The following PTPRT variants were observed in gnomAD, a reference collection of about 807,000 sequenced individuals.
PTPRT encodes protein tyrosine phosphatase receptor type T, also known as receptor-type tyrosine-protein phosphatase T.
PTPRT carries 56 observed loss-of-function variants against 176.8 expected under a neutral mutation model. That is an observed-to-expected ratio of 0.32 (90% confidence interval 0.26 to 0.40). The LOEUF (loss-of-function observed/expected upper bound fraction) is 0.40. Ranked by LOEUF, PTPRT falls within the 10% of genes least tolerant of loss-of-function variation. The probability of loss-of-function intolerance (pLI) is 1.00; values close to 1 mark genes in which losing one functional copy is unlikely to be tolerated. For missense variants in PTPRT, 1,540 were observed against 1,908.2 expected, an observed-to-expected ratio of 0.81 and a Z score of 3.60; for synonymous variants, 783 against 739.0, an observed-to-expected ratio of 1.06 and a Z score of -0.96.
intron 7 of PTPRT, among the ~76,000 whole-genome samples, chr20:42,534,202 G>A (rs753779503): frequency 6.6e-6 from 1 of 152,228 alleles, no homozygotes; most frequent in South Asian, 2.1e-4. Flanking sequence ...ATTTGAGCCT[G>A]ACATTGCCTT....
intron 7 of PTPRT, among the ~76,000 whole-genome samples, chr20:42,579,664 G>C (rs749756694): frequency 3.3e-5 from 5 of 152,208 alleles, no homozygotes; most frequent in Admixed American, 6.5e-5. Context: ...GGCCAGTGAT[G>C]ATGAGCATTT....
At chr20:43,027,736 G>T (rs1343071413) in intron 1 of PTPRT, among the ~76,000 whole-genome samples, 2 of 152,140 alleles carry the variant, frequency 1.3e-5, no homozygotes, top group African/African-American at 4.8e-5. Context: ...GACACTCAGG[G>T]TATGGTAATT....
intron 12 of PTPRT, among the ~76,000 whole-genome samples, chr20:42,309,546 A>T (rs2057595819): frequency 6.6e-6 from 1 of 152,200 alleles, no homozygotes. Context: ...AACATCTCTC[A>T]TTCTACGCTG....
In PTPRT at chr20:42,516,169, G is replaced by C. The variant is rs541657927; in HGVS notation, c.1154-43607C>G. 2.6e-5 allele frequency among the ~76,000 whole-genome samples: 4 copies of C among 151,084 alleles called. No homozygotes were observed. In the South Asian group the frequency reaches 8.4e-4, roughly 32 times the overall value. On this transcript the variant is annotated intron_variant, in intron 7 of 30. Coordinates refer to ENST00000373187, the MANE Select transcript of PTPRT (RefSeq NM_007050.6). ...ACCTAAGGCTAGATGACGAGTTAGT[G>C]GGTGCAGCACACCAGCATGGCACAT...
intron 1 of PTPRT, among the ~76,000 whole-genome samples, chr20:43,023,712 C>G (rs1985797342): frequency 6.6e-6 from 1 of 152,194 alleles, no homozygotes; most frequent in Admixed American, 6.5e-5. Context: ...CAGTTCAGCT[C>G]TGGCCCAATT....
At chr20:42,072,072 A>G (rs1412064560), downstream of PTPRT, among the ~76,000 whole-genome samples, 2 of 152,208 alleles carry the variant, frequency 1.3e-5, no homozygotes, top group Admixed American at 6.5e-5. Flanking sequence ...GATGTTGCAG[A>G]TATGATTCAA....
intron 14 of PTPRT, among the ~76,000 whole-genome samples, chr20:42,244,399 A>G (rs2056412162): frequency 6.6e-6 from 1 of 152,214 alleles, no homozygotes; most frequent in South Asian, 2.1e-4. Flanking sequence ...AAAGTTTGGC[A>G]AAAGGTTAAG....
Position 42,400,364 on chromosome 20 carries a change from G to C in PTPRT, c.1560+47856C>G, listed in dbSNP as rs552765471. On this transcript the variant is annotated intron_variant, in intron 9 of 30. Coordinates refer to ENST00000373187, the MANE Select transcript of PTPRT (RefSeq NM_007050.6). ...TTTATTAAGAAGCCATATTTTGCTA[G>C]GTCCTATGCTATGTCCTAGGGAGAT... is the stretch of plus-strand genomic sequence containing the variant. Among the ~76,000 whole-genome samples, 6 of 152,154 alleles carry C rather than the reference G, an allele frequency of 3.9e-5. No homozygotes were observed. In the South Asian group the frequency reaches 1.2e-3, roughly 32 times the overall value.
intron 7 of PTPRT, among the ~76,000 whole-genome samples, chr20:42,548,796 C>T (rs916073305): frequency 1.1e-4 from 16 of 152,044 alleles, no homozygotes; most frequent in Admixed American, 7.9e-4. Context: ...CCAAGAAACG[C>T]GCAGGTGTTA....
chr20:42,990,012 G>A (rs1983806139), intron 1 of PTPRT, among the ~76,000 whole-genome samples: 1 of 152,140 alleles, frequency 6.6e-6, no homozygotes, highest in Non-Finnish European at 1.5e-5. Flanking sequence ...TTTCTTATAG[G>A]CTTGTCATTA....
chr20:42,772,541 G>A (rs1016030184), intron 4 of PTPRT, among the ~76,000 whole-genome samples: 7 of 152,164 alleles, frequency 4.6e-5, no homozygotes, highest in African/African-American at 1.7e-4. Context: ...GTGGAGAAGG[G>A]TCCTCACCTA....
Position 42,264,010 on chromosome 20 carries a change from G to A in PTPRT, c.2177-15188C>T, listed in dbSNP as rs563202280. 1.0e-3 allele frequency among the ~76,000 whole-genome samples: 157 copies of A among 152,228 alleles called. 1 individual carries two copies. The highest frequency in any genetic ancestry group is 9.8e-3 in the Admixed American group (150 of 15,290). Reference sequence around the variant, plus strand: ...AGATTCAGGAGAGATTTCAGAGGCCGTATCTATCAGATTTAGTGATAAATT... The same window carrying A: ...AGATTCAGGAGAGATTTCAGAGGCCATATCTATCAGATTTAGTGATAAATT... On this transcript the variant is annotated intron_variant, in intron 13 of 30. Coordinates refer to ENST00000373187, the MANE Select transcript of PTPRT (RefSeq NM_007050.6).
chr20:42,221,528 C>A (rs1405668259), intron 15 of PTPRT, among the ~76,000 whole-genome samples: 2 of 129,398 alleles, frequency 1.5e-5, no homozygotes, highest in Admixed American at 1.6e-4. Flanking sequence ...AGGGAAACTG[C>A]CACTTTTTTT....
intron 1 of PTPRT, among the ~76,000 whole-genome samples, chr20:43,188,689 T>C (rs1472068169): frequency 2.1e-5 from 3 of 145,292 alleles, no homozygotes; most frequent in Non-Finnish European, 4.5e-5. Context: ...AACTTTAAGG[T>C]GATTTTGAAC....
At chr20:43,162,786 G>C (rs2014733983) in intron 1 of PTPRT, among the ~76,000 whole-genome samples, 2 of 126,678 alleles carry the variant, frequency 1.6e-5, no homozygotes, top group South Asian at 5.4e-4. Context: ...CAGCAGCTTG[G>C]CTCAGGCTGC....
intron 15 of PTPRT, among the ~76,000 whole-genome samples, chr20:42,235,471 G>A (rs1255879575): frequency 6.6e-6 from 1 of 152,088 alleles, no homozygotes; most frequent in Non-Finnish European, 1.5e-5. Context: ...ATGTTGGCCA[G>A]GCTGGTCTTG....
intron 1 of PTPRT, among the ~76,000 whole-genome samples, chr20:43,089,475 G>A (rs528430165): frequency 2.0e-5 from 3 of 152,356 alleles, no homozygotes; most frequent in South Asian, 4.1e-4. Context: ...AAGACCAGCT[G>A]AAGACATGTG....
At chr20:42,750,599 T>C (rs2076756529) in intron 6 of PTPRT, among the ~76,000 whole-genome samples, 1 of 152,204 alleles carries the variant, frequency 6.6e-6, no homozygotes, top group South Asian at 2.1e-4. Context: ...ACAGCACTAG[T>C]ATCACATTTC....
At chr20:42,573,327 C>T (rs1049453924) in intron 7 of PTPRT, among the ~76,000 whole-genome samples, 3 of 152,156 alleles carry the variant, frequency 2.0e-5, no homozygotes, top group African/African-American at 4.8e-5. Context: ...GAGTCCACCC[C>T]CCACCCACCC....
Sources: gnomAD v4.1 joint callset for allele counts (sites outside exome capture counted in the v4.1 genomes callset) on GRCh38, gnomAD v4.1.1 for gene constraint, MANE v1.5 for transcripts, NCBI Gene and HGNC (gene_info 2026-07-23, HGNC 2026-07-21) for gene names.